Variants in MMP16 observed in about 807,000 individuals in gnomAD.
MMP16 encodes the protein matrix metalloproteinase-16.
MMP16 carries 12 observed loss-of-function variants against 67.8 expected under a neutral mutation model. The ratio of observed to expected loss-of-function variants is 0.18; its 90% CI spans 0.11 to 0.29. The LOEUF (loss-of-function observed/expected upper bound fraction) is 0.29, where lower values mean the gene tolerates loss of function less well. Among genes scored for constraint, MMP16 ranks in the 10% least tolerant of loss-of-function variants. The pLI, the probability that MMP16 is intolerant of heterozygous loss-of-function variation, is 1.00. For synonymous variants in MMP16, 249 were observed against 255.9 expected (o/e 0.97, Z 0.26); for missense variants, 475 against 765.7 (o/e 0.62, Z 4.48).
chr8:88,061,171 C>A (rs1157332660), intron 7 of MMP16, among the ~76,000 whole-genome samples: 1 of 144,904 alleles, frequency 6.9e-6, no homozygotes, highest in East Asian at 2.0e-4. Context: ...CACACACACA[C>A]CCCTCATCCT....
At chr8:88,264,330 C>G (rs768845590) in intron 1 of MMP16, among the ~76,000 whole-genome samples, 27 of 151,982 alleles carry the variant, frequency 1.8e-4, no homozygotes, top group Non-Finnish European at 3.5e-4. Context: ...CTCCCAAGTA[C>G]CTGGGACTGC....
chr8:88,319,168 TTA>T (rs1478081374), intron 1 of MMP16, among the ~76,000 whole-genome samples: 3 of 151,902 alleles, frequency 2.0e-5, no homozygotes, highest in African/African-American at 7.3e-5. Context: ...AAACAATGAG[TTA>T]TATGAGTAGC....
intron 6 of MMP16, among the ~76,000 whole-genome samples, chr8:88,115,561 A>G (rs1481386752): frequency 6.6e-6 from 1 of 152,064 alleles, no homozygotes; most frequent in African/African-American, 2.4e-5. Flanking sequence ...ATTATACGAA[A>G]TCTGTATTTT....
At chr8:88,323,256 A>G (rs1811487551) in intron 1 of MMP16, among the ~76,000 whole-genome samples, 1 of 152,212 alleles carries the variant, frequency 6.6e-6, no homozygotes, top group Non-Finnish European at 1.5e-5. Context: ...TATAATTTTT[A>G]TCTCTGAAAT....
At chr8:88,118,665 A>G in intron 5 of MMP16, 35 bp downstream of exon 5, 1 of 1,585,088 alleles carries the variant, frequency 6.3e-7, no homozygotes, top group Non-Finnish European at 8.6e-7. Flanking sequence ...GGACTTCACT[A>G]TCGGATTAAG....
At chr8:88,198,406 A>G (rs1428021598) in intron 1 of MMP16, among the ~76,000 whole-genome samples, 3 of 152,186 alleles carry the variant, frequency 2.0e-5, no homozygotes, top group Non-Finnish European at 4.4e-5. Flanking sequence ...AGTGAAAGCT[A>G]TTTGCCAGCA....
intron 6 of MMP16, among the ~76,000 whole-genome samples, chr8:88,108,967 G>A (rs1809288564): frequency 6.6e-6 from 1 of 151,276 alleles, no homozygotes; most frequent in Admixed American, 6.6e-5. Context: ...CCACTTAATT[G>A]AGAAATGATT....
At chr8:88,084,701 G>A (rs1808805431) in intron 6 of MMP16, among the ~76,000 whole-genome samples, 1 of 151,972 alleles carries the variant, frequency 6.6e-6, no homozygotes, top group Non-Finnish European at 1.5e-5. Context: ...AATATTAGGT[G>A]TGACCATGTT....
At chr8:88,112,133 C>T (rs147881787) in intron 6 of MMP16, among the ~76,000 whole-genome samples, 333 of 151,366 alleles carry the variant, frequency 2.2e-3, no homozygotes, top group Non-Finnish European at 3.4e-3. Context: ...GTGTAAAGTA[C>T]TAGCCTTTGC....
intron 1 of MMP16, among the ~76,000 whole-genome samples, chr8:88,244,845 T>C (rs1322530567): frequency 6.6e-6 from 1 of 152,194 alleles, no homozygotes; most frequent in Non-Finnish European, 1.5e-5. Context: ...TTATTTCTCC[T>C]AGTCTCAGTT....
At chr8:88,143,277 C>T (rs958274132) in intron 4 of MMP16, among the ~76,000 whole-genome samples, 8 of 151,964 alleles carry the variant, frequency 5.3e-5, no homozygotes, top group Non-Finnish European at 1.0e-4. Context: ...TAAATCATGG[C>T]AATTTAGGTT....
intron 6 of MMP16, among the ~76,000 whole-genome samples, chr8:88,093,392 A>G (rs936737619): frequency 6.6e-6 from 1 of 151,786 alleles, no homozygotes; most frequent in African/African-American, 2.4e-5. Context: ...CCATCGATCA[A>G]CCATAACCAG....
At chr8:88,197,374 T>C (rs1809273293) in intron 1 of MMP16, 68 bp from the exon 2 acceptor site, 2 of 1,350,526 alleles carry the variant, frequency 1.5e-6, no homozygotes, top group Non-Finnish European at 2.0e-6. Flanking sequence ...TGGTAATTAA[T>C]GTATATCTAT....
At chr8:88,224,103 A>G (rs1436989447) in intron 1 of MMP16, among the ~76,000 whole-genome samples, 1 of 151,998 alleles carries the variant, frequency 6.6e-6, no homozygotes, top group Admixed American at 6.6e-5. Context: ...TGAGGAAGGT[A>G]CTTCTGTATT....
At chr8:88,261,404 G>A (rs1810386311) in intron 1 of MMP16, among the ~76,000 whole-genome samples, 1 of 151,898 alleles carries the variant, frequency 6.6e-6, no homozygotes, top group South Asian at 2.1e-4. Context: ...TTTTATGAGG[G>A]GGAAAAAAAT....
At chr8:88,253,185 T>C (rs558411987) in intron 1 of MMP16, among the ~76,000 whole-genome samples, 3 of 112,752 alleles carry the variant, frequency 2.7e-5, no homozygotes, top group East Asian at 4.9e-4. Flanking sequence ...CTAATATTTA[T>C]TTAGACAACA....
intron 1 of MMP16, among the ~76,000 whole-genome samples, chr8:88,260,741 G>GA (rs995343424): frequency 6.6e-6 from 1 of 151,976 alleles, no homozygotes; most frequent in Non-Finnish European, 1.5e-5. Flanking sequence ...TTAAAAATTA[G>GA]AAAAAATATA....
At chr8:88,187,599 AG>A (rs1305083113) in intron 2 of MMP16, among the ~76,000 whole-genome samples, 2 of 152,316 alleles carry the variant, frequency 1.3e-5, no homozygotes, top group Admixed American at 6.5e-5. Context: ...TAAATGGAAA[AG>A]GAGTGATCAT....
chr8:88,194,603 A>G (rs1158666467), intron 2 of MMP16, among the ~76,000 whole-genome samples: 1 of 151,986 alleles, frequency 6.6e-6, no homozygotes. Context: ...ATAGGCAGGA[A>G]GCAAATGAAG....
Sources: allele counts gnomAD v4.1 joint callset (sites outside exome capture counted in the v4.1 genomes callset), GRCh38; gene constraint gnomAD v4.1.1; transcripts MANE v1.5; gene names NCBI Gene and HGNC (gene_info 2026-07-23, HGNC 2026-07-21).